TENM4: variants seen among roughly 807,000 people sequenced by gnomAD.
TENM4 encodes the protein teneurin-4.
TENM4 carries 82 observed loss-of-function variants against 243.3 expected under a neutral mutation model. That is an observed-to-expected ratio of 0.34 (90% CI 0.28 to 0.40). The LOEUF is 0.40. Among genes scored for constraint, TENM4 ranks in the 10% least tolerant of loss-of-function variants. The pLI is 1.00. For synonymous variants in TENM4, 1,412 were observed against 1,456.3 expected (o/e 0.97, Z 0.69); for missense variants, 3,138 against 3,673.3 (o/e 0.85, Z 3.77).
intron 1 of TENM4, among the ~76,000 whole-genome samples, chr11:79,398,546 T>C (rs534863): frequency 0.66 from 100,064 of 151,676 alleles, 33,109 homozygotes; most frequent in Middle Eastern, 0.7. Context: ...GACAGGAATA[T>C]AAACCACTTG....
chr11:79,091,602 A>G (rs1304752312), intron 4 of TENM4, among the ~76,000 whole-genome samples: 1 of 152,088 alleles, frequency 6.6e-6, no homozygotes, highest in Non-Finnish European at 1.5e-5. Flanking sequence ...TAGCATCAGC[A>G]TTACTATGCT....
intron 1 of TENM4, among the ~76,000 whole-genome samples, chr11:79,439,998 C>T (rs1859365393): frequency 6.6e-6 from 1 of 152,008 alleles, no homozygotes; most frequent in Non-Finnish European, 1.5e-5. Context: ...AGGATCTGAG[C>T]TCCAACCACC....
At chr11:79,245,615 C>A (rs1003611526) in intron 2 of TENM4, among the ~76,000 whole-genome samples, 6 of 152,082 alleles carry the variant, frequency 3.9e-5, no homozygotes, top group African/African-American at 1.4e-4. Context: ...TAGCATATAA[C>A]ACTTTATAGA....
chr11:78,916,075 G>T (rs576439385), intron 6 of TENM4, among the ~76,000 whole-genome samples: 3 of 152,166 alleles, frequency 2.0e-5, no homozygotes, highest in Non-Finnish European at 1.5e-5. Context: ...CCAGTTTCAT[G>T]CCACAAACCT....
intron 19 of TENM4, among the ~76,000 whole-genome samples, chr11:78,743,126 G>C (rs1855970659): frequency 6.6e-6 from 1 of 152,166 alleles, no homozygotes; most frequent in Non-Finnish European, 1.5e-5. Flanking sequence ...AATCTTAATG[G>C]AGCTCATGCA....
Position 79,022,698 on chromosome 11 carries a change from A to G in TENM4, c.493+42040T>C, listed in dbSNP as rs181809978. Among the ~76,000 whole-genome samples, 515 of 152,344 alleles carry G rather than the reference A, an allele frequency of 3.4e-3. 2 individuals carry two copies. The highest frequency in any genetic ancestry group is 6.3e-3 in the Non-Finnish European group (427 of 68,028). On this transcript the variant is annotated intron_variant, in intron 6 of 33. Transcript: ENST00000278550. ...ATATACCAAATAAGGACAAAAATTA[A>G]CTTTGTAAAAAATGAAGATGATGAA...
At chr11:79,387,677 G>A (rs1858146153) in intron 1 of TENM4, among the ~76,000 whole-genome samples, 1 of 152,074 alleles carries the variant, frequency 6.6e-6, no homozygotes, top group East Asian at 1.9e-4. Context: ...CTTATGACCT[G>A]AGACCTAGTC....
At chr11:79,284,222 G>A (rs1425730769) in intron 2 of TENM4, among the ~76,000 whole-genome samples, 2 of 152,064 alleles carry the variant, frequency 1.3e-5, no homozygotes, top group Non-Finnish European at 2.9e-5. Flanking sequence ...AACTTTATAT[G>A]GAAATGCAAG....
intron 1 of TENM4, among the ~76,000 whole-genome samples, chr11:79,423,085 A>T (rs1031982574): frequency 6.6e-6 from 1 of 152,052 alleles, no homozygotes; most frequent in South Asian, 2.1e-4. Flanking sequence ...CCTAAACCCA[A>T]TCCCCCAAGG....
Position 79,407,909 on chromosome 11 carries a change from CTT to C in TENM4, c.-321+32598_-321+32599del, listed in dbSNP as rs71457508. ...ATTTGCATTTTTTCTTTTTCTTTTT[CTT>C]TTTTTTTTTTTTAAGAGAGTCTTGC... is the stretch of plus-strand genomic sequence containing the variant. On this transcript the variant is annotated intron_variant, in intron 1 of 33. Coordinates refer to ENST00000278550, the MANE Select transcript of TENM4 (RefSeq NM_001098816.3). Among the ~76,000 whole-genome samples the C allele has an allele frequency of 1.4e-4, 19 of 139,394 alleles. 1 individual carries two copies. The highest frequency in any genetic ancestry group is 4.3e-4 in the Admixed American group (6 of 13,876). The allele number at this position is 139,394 out of a possible 152,430, so 91.4% of individuals were successfully genotyped here. A position where few individuals can be genotyped will look rare whatever the true frequency, so the allele number is the denominator to read the frequency against.
intron 2 of TENM4, among the ~76,000 whole-genome samples, chr11:79,288,575 A>G (rs78940906): frequency 1.3e-3 from 199 of 152,368 alleles, no homozygotes; most frequent in African/African-American, 4.5e-3. Context: ...CGGAAGAAAG[A>G]GCACAGGCTT....
At chr11:79,409,317 A>G (rs1858649154) in intron 1 of TENM4, among the ~76,000 whole-genome samples, 1 of 152,120 alleles carries the variant, frequency 6.6e-6, no homozygotes. Flanking sequence ...GAGTGTTTAA[A>G]GCATTTAAAG....
chr11:78,770,673 G>A (rs188818513), intron 18 of TENM4, among the ~76,000 whole-genome samples: 1 of 152,304 alleles, frequency 6.6e-6, no homozygotes, highest in East Asian at 1.9e-4. Context: ...CCAGTGAGGG[G>A]GACCCATAAC....
intron 6 of TENM4, among the ~76,000 whole-genome samples, chr11:78,917,620 C>T (rs1239959321): frequency 6.6e-6 from 1 of 152,054 alleles, no homozygotes; most frequent in African/African-American, 2.4e-5. Context: ...TCCAAAGTGC[C>T]CAGCTCAATC....
chr11:79,106,913 T>C (rs1861384850), intron 4 of TENM4, among the ~76,000 whole-genome samples: 1 of 152,208 alleles, frequency 6.6e-6, no homozygotes, highest in Non-Finnish European at 1.5e-5. Flanking sequence ...AGGAAAACAA[T>C]AACTATTTGA....
rs760224810 is a variant in TENM4 at position 78,826,465 on chromosome 11, G to GT, written c.1682-12071dup. 5.3e-5 allele frequency among the ~76,000 whole-genome samples: 8 copies of GT among 152,192 alleles called. No homozygotes were observed. The South Asian group carries it at 1.0e-3, about 20-fold the overall frequency. ...ATAAAGATAACCTAGAGACTTACAG[G>GT]TAAAAACCTCTATGTTGGCTTGGAC... On this transcript the variant is annotated intron_variant, in intron 12 of 33. Coordinates refer to ENST00000278550, the MANE Select transcript of TENM4 (RefSeq NM_001098816.3).
chr11:78,899,815 G>C (rs1855888580), intron 7 of TENM4, among the ~76,000 whole-genome samples: 1 of 152,116 alleles, frequency 6.6e-6, no homozygotes, highest in Non-Finnish European at 1.5e-5. Flanking sequence ...TTTCTGCCAT[G>C]AGTGGAAGCA....
At chr11:79,122,553 G>A (rs73506661) in intron 4 of TENM4, among the ~76,000 whole-genome samples, 221 of 152,226 alleles carry the variant, frequency 1.5e-3, no homozygotes, top group African/African-American at 5.2e-3. Context: ...TTTGGAGATA[G>A]CATCTCTAGG....
At chr11:78,816,913 G>A (rs1591045561) in intron 12 of TENM4, among the ~76,000 whole-genome samples, 1 of 152,204 alleles carries the variant, frequency 6.6e-6, no homozygotes, top group East Asian at 1.9e-4. Flanking sequence ...TCTACTCTTA[G>A]TACCATGATC....
Sources: gnomAD v4.1 joint callset for allele counts (sites outside exome capture counted in the v4.1 genomes callset) on GRCh38, gnomAD v4.1.1 for gene constraint, MANE v1.5 for transcripts, NCBI Gene and HGNC (gene_info 2026-07-23, HGNC 2026-07-21) for gene names.